Variants in MEI4 observed in about 807,000 individuals in gnomAD.
The protein encoded by MEI4 is meiosis-specific protein MEI4.
A neutral mutation model predicts 31.4 loss-of-function variants in MEI4; 27 were observed. The ratio of observed to expected loss-of-function variants is 0.86; its 90% CI spans 0.63 to 1.19. The LOEUF is 1.19. Ranked by LOEUF, MEI4 falls within the 50% of genes most tolerant of loss-of-function variation. The pLI, the probability that MEI4 is intolerant of heterozygous loss-of-function variation, is 0.00. For missense variants in MEI4, 329 were observed against 398.9 expected (o/e 0.82, Z 1.49); for synonymous variants, 122 against 145.4 (o/e 0.84, Z 1.16).
intron 4 of MEI4, among the ~76,000 whole-genome samples, chr6:77,881,873 T>C (rs1365265583): frequency 1.3e-5 from 2 of 152,264 alleles, no homozygotes; most frequent in Non-Finnish European, 1.5e-5. Flanking sequence ...TTTGCATACA[T>C]TCCTATAATT....
At chr6:77,663,142 GGT>G (rs2127642885) in intron 1 of MEI4, among the ~76,000 whole-genome samples, 3 of 152,226 alleles carry the variant, frequency 2.0e-5, no homozygotes, top group Admixed American at 6.5e-5. Context: ...TGGTTGATAA[GGT>G]GCAGATCCTG....
At chr6:77,859,802 G>A (rs527507074) in intron 4 of MEI4, among the ~76,000 whole-genome samples, 1 of 152,168 alleles carries the variant, frequency 6.6e-6, no homozygotes, top group East Asian at 1.9e-4. Flanking sequence ...TGCAATATTT[G>A]GTGATTCCCA....
intron 4 of MEI4, among the ~76,000 whole-genome samples, chr6:77,909,508 GA>G (rs1766381026): frequency 1.3e-5 from 2 of 152,066 alleles, no homozygotes; most frequent in Admixed American, 1.3e-4. Flanking sequence ...ACTAAACCAG[GA>G]AGAAGTTGAA....
chr6:77,877,270 A>T (rs1771364797), intron 4 of MEI4, among the ~76,000 whole-genome samples: 2 of 151,746 alleles, frequency 1.3e-5, no homozygotes, highest in African/African-American at 2.4e-5. Flanking sequence ...TATGTGTGAA[A>T]ATATATATAT....
At chr6:77,800,790 A>T (rs1769232498) in intron 3 of MEI4, among the ~76,000 whole-genome samples, 1 of 152,186 alleles carries the variant, frequency 6.6e-6, no homozygotes, top group Non-Finnish European at 1.5e-5. Context: ...ATGCTGAATT[A>T]AGTTTATTGA....
chr6:77,699,768 C>T (rs879376345), intron 2 of MEI4, among the ~76,000 whole-genome samples: 1 of 152,196 alleles, frequency 6.6e-6, no homozygotes. Context: ...GTGTGGATGT[C>T]GTTTCTGTCT....
chr6:77,888,083 A>G lies in MEI4; in HGVS notation c.901-35006A>G, dbSNP rs562268075. 2.0e-5 allele frequency among the ~76,000 whole-genome samples: 3 copies of G among 152,220 alleles called. No homozygotes were observed. The East Asian group carries it at 5.8e-4, about 29-fold the overall frequency. On this transcript the variant is annotated intron_variant, in intron 4 of 4. Transcript: ENST00000684080. ...TATTTTGTCTGATACATGTATAACT[A>G]CTTCTGTTTGCTTTGGTTTCCATTT...
In MEI4 at chr6:77,820,274, A is replaced by C. The variant is rs1419799487; in HGVS notation, c.769-8657A>C. 6.6e-6 allele frequency among the ~76,000 whole-genome samples: 1 copy of C among 152,034 alleles called. No individual in the cohort carries two copies. Among genetic ancestry groups the C allele is most frequent in the Admixed American group, 6.6e-5 (1 of 15,262 alleles). On this transcript the variant is annotated intron_variant, in intron 3 of 4. Transcript: ENST00000684080. The surrounding 1 kb of genome is among the most constrained non-coding windows in gnomAD (Gnocchi z 4.5). ...TTTTTGTTTTTGTTTTTGGAGATGG[A>C]GTCTCACTCTGTTGCCCAGGCTGGA...
chr6:77,803,810 G>A (rs1769345808), intron 3 of MEI4, among the ~76,000 whole-genome samples: 1 of 152,128 alleles, frequency 6.6e-6, no homozygotes, highest in Non-Finnish European at 1.5e-5. Context: ...AGCAAATGTT[G>A]CTGCCCGATC....
chr6:77,676,475 C>T (rs574063644), intron 1 of MEI4, among the ~76,000 whole-genome samples: 42 of 151,972 alleles, frequency 2.8e-4, no homozygotes, highest in Admixed American at 5.2e-4. Flanking sequence ...TACAGTGAAC[C>T]GTGATCATGC....
At chr6:77,740,292 T>C (rs1047232269) in intron 2 of MEI4, among the ~76,000 whole-genome samples, 1 of 152,170 alleles carries the variant, frequency 6.6e-6, no homozygotes, top group Admixed American at 6.5e-5. Flanking sequence ...TTCTGTTGTT[T>C]TGAGGTAGAG....
chr6:77,728,431 T>C (rs2127666124), intron 2 of MEI4, among the ~76,000 whole-genome samples: 1 of 152,342 alleles, frequency 6.6e-6, no homozygotes, highest in Non-Finnish European at 1.5e-5. Flanking sequence ...GTTCATTGAT[T>C]GATTCATTTC....
chr6:77,785,253 T>G (rs1252858086), intron 3 of MEI4, among the ~76,000 whole-genome samples: 1 of 152,136 alleles, frequency 6.6e-6, no homozygotes, highest in African/African-American at 2.4e-5. Context: ...ATACTATTAT[T>G]TTACTCTTAA....
At chr6:77,907,308 A>C (rs1766319144) in intron 4 of MEI4, among the ~76,000 whole-genome samples, 1 of 151,894 alleles carries the variant, frequency 6.6e-6, no homozygotes, top group Non-Finnish European at 1.5e-5. Context: ...CCACAACAGG[A>C]CCCGGTGTGT....
At chr6:77,774,939 T>C (rs941580504) in intron 3 of MEI4, among the ~76,000 whole-genome samples, 8 of 152,048 alleles carry the variant, frequency 5.3e-5, no homozygotes, top group African/African-American at 1.2e-4. Flanking sequence ...GGGCCACATA[T>C]CTTCCTGTAG....
intron 2 of MEI4, among the ~76,000 whole-genome samples, chr6:77,727,867 C>G (rs994010670): frequency 1.3e-5 from 2 of 152,200 alleles, no homozygotes; most frequent in African/African-American, 4.8e-5. Flanking sequence ...CTTGGAGCAT[C>G]CTCGCAGGAG....
chr6:77,802,339 C>T (rs912071259), intron 3 of MEI4, among the ~76,000 whole-genome samples: 3 of 152,166 alleles, frequency 2.0e-5, no homozygotes, highest in South Asian at 4.1e-4. Flanking sequence ...CTTCCTCCAT[C>T]CCTTTATTTT....
At chr6:77,819,533 T>C (rs1769767151) in intron 3 of MEI4, among the ~76,000 whole-genome samples, 2 of 152,304 alleles carry the variant, frequency 1.3e-5, no homozygotes, top group Non-Finnish European at 2.9e-5. Context: ...ATTAGGATGT[T>C]ATAACTAACA....
intron 2 of MEI4, among the ~76,000 whole-genome samples, chr6:77,749,864 T>A (rs915228953): frequency 1.3e-5 from 2 of 152,096 alleles, no homozygotes; most frequent in Admixed American, 6.6e-5. Flanking sequence ...AAGGGCAGCC[T>A]GAGAGATAGG....
Sources: gnomAD v4.1 joint callset for allele counts (sites outside exome capture counted in the v4.1 genomes callset) on GRCh38, gnomAD v4.1.1 for gene constraint, Gnocchi (gnomAD v3.1) non-coding constraint, MANE v1.5 for transcripts, NCBI Gene and HGNC (gene_info 2026-07-23, HGNC 2026-07-21) for gene names.